Variants in CTIF observed in about 807,000 individuals in gnomAD.
CTIF encodes the protein CBP80/20-dependent translation initiation factor.
CTIF carries 21 observed loss-of-function variants against 66.0 expected under a neutral mutation model. That is an observed-to-expected ratio of 0.32 (90% CI 0.23 to 0.46). The LOEUF is 0.46. Ranked by LOEUF, CTIF falls within the 20% of genes least tolerant of loss-of-function variation. The pLI, the probability that CTIF is intolerant of heterozygous loss-of-function variation, is 1.00. For synonymous variants in CTIF, 345 were observed against 326.4 expected, an observed-to-expected ratio of 1.06 and a Z score of -0.62; for missense variants, 739 against 812.7, an observed-to-expected ratio of 0.91 and a Z score of 1.10.
intron 7 of CTIF, among the ~76,000 whole-genome samples, chr18:48,746,941 G>T (rs377597553): frequency 7.2e-5 from 11 of 151,994 alleles, no homozygotes; most frequent in African/African-American, 2.2e-4. Context: ...ACCTCACCCC[G>T]AGAACTCACC....
intron 6 of CTIF, among the ~76,000 whole-genome samples, chr18:48,688,842 A>G (rs1009589979): frequency 6.6e-6 from 1 of 152,274 alleles, no homozygotes; most frequent in African/African-American, 2.4e-5. Context: ...TCACTAAAGC[A>G]TCTGCACAGA....
At chr18:48,730,729 C>CTG (rs1219560025) in intron 7 of CTIF, among the ~76,000 whole-genome samples, 151 of 143,402 alleles carry the variant, frequency 1.1e-3, no homozygotes, top group East Asian at 3.2e-3. Flanking sequence ...TGAGGGGCTT[C>CTG]CGTGGTGTGA....
intron 7 of CTIF, among the ~76,000 whole-genome samples, chr18:48,742,983 A>G (rs2092567661): frequency 6.6e-6 from 1 of 152,220 alleles, no homozygotes; most frequent in African/African-American, 2.4e-5. Flanking sequence ...CCCATTACAC[A>G]TTTTAAATTA....
chr18:48,810,325 G>A (rs2068234107), intron 9 of CTIF, among the ~76,000 whole-genome samples: 1 of 152,034 alleles, frequency 6.6e-6, no homozygotes, highest in Non-Finnish European at 1.5e-5. Flanking sequence ...GGCCAAAATA[G>A]TTAAGACTAT....
At chr18:48,714,384 C>T (rs1302007908) in intron 7 of CTIF, among the ~76,000 whole-genome samples, 1 of 152,190 alleles carries the variant, frequency 6.6e-6, no homozygotes, top group Non-Finnish European at 1.5e-5. Context: ...TGATCTCCCC[C>T]CACCATATGA....
At chr18:48,705,629 A>C (rs2092142741) in intron 6 of CTIF, among the ~76,000 whole-genome samples, 1 of 152,202 alleles carries the variant, frequency 6.6e-6, no homozygotes, top group African/African-American at 2.4e-5. Flanking sequence ...ATGGGGTCAC[A>C]CTGTGGTCAG....
intron 9 of CTIF, among the ~76,000 whole-genome samples, chr18:48,816,207 A>G (rs1390338359): frequency 6.6e-6 from 1 of 152,218 alleles, no homozygotes; most frequent in Non-Finnish European, 1.5e-5. Context: ...CAGAAGAAAC[A>G]TGAAAGTCAA....
At chr18:48,600,579 C>A (rs190691510) in intron 1 of CTIF, among the ~76,000 whole-genome samples, 2 of 151,904 alleles carry the variant, frequency 1.3e-5, no homozygotes, top group Admixed American at 1.3e-4. Flanking sequence ...GAGGAAGTGA[C>A]AGGCGTTTGT....
At chr18:48,828,483 T>C (rs2068627253) in intron 10 of CTIF, among the ~76,000 whole-genome samples, 1 of 152,204 alleles carries the variant, frequency 6.6e-6, no homozygotes, top group African/African-American at 2.4e-5. Context: ...CAGTGAAATC[T>C]TCCTTCCAGT....
At chr18:48,813,204 T>G (rs2068296701) in intron 9 of CTIF, among the ~76,000 whole-genome samples, 1 of 152,256 alleles carries the variant, frequency 6.6e-6, no homozygotes, top group Admixed American at 6.5e-5. Context: ...AGTTCCTGTC[T>G]CACACTTCAT....
intron 9 of CTIF, among the ~76,000 whole-genome samples, chr18:48,793,280 AC>A (rs1484409606): frequency 2.0e-5 from 3 of 152,014 alleles, no homozygotes; most frequent in East Asian, 3.9e-4. Context: ...CTGCAACCCC[AC>A]CCCCTCTAAG....
chr18:48,571,837 T>TGA (rs368609013), intron 1 of CTIF, among the ~76,000 whole-genome samples: 147 of 151,862 alleles, frequency 9.7e-4, no homozygotes, highest in African/African-American at 3.2e-3. Context: ...AACAGAACCA[T>TGA]GAGAGAGAGA....
chr18:48,655,323 A>G (rs1265912769), intron 3 of CTIF, among the ~76,000 whole-genome samples: 1 of 141,040 alleles, frequency 7.1e-6, no homozygotes, highest in Non-Finnish European at 1.6e-5. Flanking sequence ...AAAAAAAAGA[A>G]GAATAAAAAA....
chr18:48,702,232 G>A lies in CTIF; in HGVS notation c.508-9387G>A, dbSNP rs571202443. Among the ~76,000 whole-genome samples, 4 of 152,310 alleles carry A rather than the reference G, an allele frequency of 2.6e-5. No homozygotes were observed. In the East Asian group the frequency reaches 7.7e-4, roughly 29 times the overall value. Reference sequence around the variant, plus strand: ...TGTTGGAAGGAAAAGGGAGAGAGGGGTGGTTATTCCCTTGGAGCATCCAAG... The same window carrying A: ...TGTTGGAAGGAAAAGGGAGAGAGGGATGGTTATTCCCTTGGAGCATCCAAG... On this transcript the variant is annotated intron_variant, in intron 6 of 11. Transcript: ENST00000256413.
At chr18:48,592,611 G>A (rs1396348831) in intron 1 of CTIF, among the ~76,000 whole-genome samples, 2 of 152,202 alleles carry the variant, frequency 1.3e-5, no homozygotes, top group Non-Finnish European at 2.9e-5. Flanking sequence ...CTGTGCGTGG[G>A]CAACCACTCA....
intron 10 of CTIF, among the ~76,000 whole-genome samples, chr18:48,821,489 G>A (rs1391019641): frequency 6.6e-6 from 1 of 152,246 alleles, no homozygotes; most frequent in Non-Finnish European, 1.5e-5. Flanking sequence ...CTGCCTTGCA[G>A]GCAGAGCAGG....
chr18:48,836,307 T>TG lies in CTIF; in HGVS notation c.1527+18934dup, dbSNP rs372504345. On this transcript the variant is annotated intron_variant, in intron 10 of 11. Coordinates refer to ENST00000256413, the MANE Select transcript of CTIF (RefSeq NM_014772.3). ...CAGCCAGCAGCCCCCAGAGAGGCCC[T>TG]GGGCTGCCCTTCAGGGTCCCCATGC... Among the ~76,000 whole-genome samples, 644 of 152,260 alleles carry TG rather than the reference T, an allele frequency of 4.2e-3. 4 individuals carry two copies. The highest frequency in any genetic ancestry group is 0.015 in the African/African-American group (607 of 41,548).
At chr18:48,623,328 G>A (rs941986274) in intron 2 of CTIF, among the ~76,000 whole-genome samples, 3 of 152,206 alleles carry the variant, frequency 2.0e-5, no homozygotes, top group Admixed American at 6.5e-5. Context: ...CTGCCGGAAA[G>A]GGAGGATGTT....
At chr18:48,611,854 T>G (rs2090313765) in intron 1 of CTIF, among the ~76,000 whole-genome samples, 1 of 152,212 alleles carries the variant, frequency 6.6e-6, no homozygotes, top group Non-Finnish European at 1.5e-5. Flanking sequence ...AAATTTGTTT[T>G]GCAGCTCATG....
Sources: allele counts gnomAD v4.1 joint callset (sites outside exome capture counted in the v4.1 genomes callset), GRCh38; gene constraint gnomAD v4.1.1; transcripts MANE v1.5; gene names NCBI Gene and HGNC (gene_info 2026-07-23, HGNC 2026-07-21).